PI4K2B: variants seen among roughly 807,000 people sequenced by gnomAD.
PI4K2B encodes the protein phosphatidylinositol 4-kinase type 2-beta.
In PI4K2B, 46 loss-of-function variants were observed where a neutral mutation model predicts 56.6. The observed-to-expected ratio is 0.81, with a 90% CI of 0.64 to 1.04. The LOEUF is 1.04. PI4K2B is among the 50% of genes least tolerant of loss of function. The pLI, the probability that PI4K2B is intolerant of heterozygous loss-of-function variation, is 0.00. For missense variants in PI4K2B, 556 were observed against 607.7 expected (o/e 0.91, Z 0.89); for synonymous variants, 211 against 223.8 (o/e 0.94, Z 0.51).
intron 1 of PI4K2B, among the ~76,000 whole-genome samples, chr4:25,238,877 T>G (rs1418058248): frequency 6.6e-6 from 1 of 152,118 alleles, no homozygotes. Flanking sequence ...CTGCTTTTAT[T>G]CCCTTATCTG....
At chr4:25,255,385 C>T (rs140584602) in intron 3 of PI4K2B, 120 bp downstream of exon 3, 1 of 782,296 alleles carries the variant, frequency 1.3e-6, no homozygotes, top group East Asian at 2.6e-5. Context: ...TGGTAGTAGT[C>T]CAAGAGTCAT....
In PI4K2B at chr4:25,268,582, T is replaced by C; in HGVS notation, c.1212+6T>C. On this transcript the variant is annotated splice_donor_region_variant and intron_variant, in intron 8 of 9. Coordinates refer to ENST00000264864, the MANE Select transcript of PI4K2B (RefSeq NM_018323.4). Reference sequence around the variant, plus strand: ...ATCTCTATGAACTTTTTAAGGTAAGTTAATGCTTAGTTTGATTATTGCAGA... The same window carrying C: ...ATCTCTATGAACTTTTTAAGGTAAGCTAATGCTTAGTTTGATTATTGCAGA... 1 of 1,544,672 alleles carries C rather than the reference T, an allele frequency of 6.5e-7. No individual in the cohort carries two copies. The highest frequency in any genetic ancestry group is 8.8e-7 in the Non-Finnish European group (1 of 1,137,476).
At chr4:25,276,698 C>A in intron 9 of PI4K2B, 1 of 984,788 alleles carries the variant, frequency 1.0e-6, no homozygotes, top group African/African-American at 1.7e-5. Flanking sequence ...TGTATGTAGA[C>A]CTCTTCACTT....
intron 1 of PI4K2B, among the ~76,000 whole-genome samples, chr4:25,238,700 G>T (rs940098085): frequency 6.6e-6 from 1 of 152,154 alleles, no homozygotes; most frequent in Non-Finnish European, 1.5e-5. Context: ...GGTCTCGCTG[G>T]CTTCAGGAGT....
intron 1 of PI4K2B, among the ~76,000 whole-genome samples, chr4:25,245,723 G>A (rs532755286): frequency 3.9e-4 from 60 of 152,286 alleles, no homozygotes; most frequent in African/African-American, 1.4e-3. Context: ...AAAGGGGTCC[G>A]ATGGCACTCA....
intron 6 of PI4K2B, 80 bp downstream of exon 6, chr4:25,260,671 C>T (rs2109018622): frequency 6.4e-6 from 2 of 314,674 alleles, no homozygotes; most frequent in African/African-American, 2.2e-5. Flanking sequence ...CACATACACA[C>T]ACACACGTGT....
intron 1 of PI4K2B, among the ~76,000 whole-genome samples, chr4:25,239,731 C>T (rs1023452064): frequency 7.9e-5 from 12 of 152,178 alleles, no homozygotes; most frequent in East Asian, 1.9e-4. Context: ...GAGTGGGCGC[C>T]GAGGCCGAGG....
At chr4:25,257,035 C>T (rs989044405) in intron 4 of PI4K2B, among the ~76,000 whole-genome samples, 4 of 148,948 alleles carry the variant, frequency 2.7e-5, no homozygotes, top group African/African-American at 7.4e-5. Context: ...GAACTTACCT[C>T]GGGTAAGTTC....
intron 1 of PI4K2B, among the ~76,000 whole-genome samples, chr4:25,249,038 C>T (rs1388501940): frequency 2.6e-5 from 4 of 152,144 alleles, no homozygotes; most frequent in African/African-American, 7.2e-5. Flanking sequence ...TGCCTTCAAG[C>T]ATCTGTTTAA....
chr4:25,265,025 A>G (rs1716612691), intron 7 of PI4K2B, among the ~76,000 whole-genome samples: 1 of 151,864 alleles, frequency 6.6e-6, no homozygotes, highest in Non-Finnish European at 1.5e-5. Flanking sequence ...GTGAAACTCC[A>G]TCTCTACTAA....
intron 9 of PI4K2B, among the ~76,000 whole-genome samples, chr4:25,275,455 G>A (rs1717060305): frequency 6.6e-6 from 1 of 152,122 alleles, no homozygotes. Flanking sequence ...CTCGAGCCTA[G>A]GAGTTCAAGA....
chr4:25,266,342 T>C (rs964816327), intron 7 of PI4K2B, among the ~76,000 whole-genome samples: 26 of 152,358 alleles, frequency 1.7e-4, no homozygotes, highest in African/African-American at 5.8e-4. Flanking sequence ...AATCTACTTT[T>C]ATTTTTAACT....
rs1039351379 is a variant in PI4K2B at position 25,235,571 on chromosome 4, G to T, written c.268+1140G>T. Among the ~76,000 whole-genome samples the T allele has an allele frequency of 2.6e-5, 4 of 152,310 alleles. 1 individual carries two copies. The East Asian group carries it at 7.7e-4, about 29-fold the overall frequency. ...ATTGTTTAAGCTTTAACCAACGTCT[G>T]CTCCCGTTATAATGTTACCTGATGG... On this transcript the variant is annotated intron_variant, in intron 1 of 9. Coordinates refer to ENST00000264864, the MANE Select transcript of PI4K2B (RefSeq NM_018323.4).
chr4:25,236,758 C>T (rs192181704), intron 1 of PI4K2B, among the ~76,000 whole-genome samples: 1 of 152,174 alleles, frequency 6.6e-6, no homozygotes, highest in Non-Finnish European at 1.5e-5. Context: ...GCCCCTTTTC[C>T]GTTTTGCCAT....
chr4:25,238,860 G>T (rs949639913), intron 1 of PI4K2B, among the ~76,000 whole-genome samples: 1 of 152,108 alleles, frequency 6.6e-6, no homozygotes, highest in Non-Finnish European at 1.5e-5. Flanking sequence ...CTGCTGGTTC[G>T]GGCAGCCTGC....
intron 2 of PI4K2B, chr4:25,254,324 A>T (rs894924267): frequency 1.1e-4 from 67 of 634,376 alleles, no homozygotes; most frequent in Non-Finnish European, 1.3e-4. Context: ...AACAGCAAAC[A>T]TGTAATGTGG....
intron 1 of PI4K2B, chr4:25,250,495 C>T (rs1716007593): frequency 6.6e-6 from 1 of 152,192 alleles, no homozygotes; most frequent in African/African-American, 2.4e-5. Flanking sequence ...CTAATGGGTA[C>T]TAGGTTTAAT....
At chr4:25,263,060 C>T (rs985443919) in intron 6 of PI4K2B, among the ~76,000 whole-genome samples, 2 of 152,154 alleles carry the variant, frequency 1.3e-5, no homozygotes, top group African/African-American at 2.4e-5. Context: ...AAATGCCAGA[C>T]GCTTGCAAAA....
intron 9 of PI4K2B, among the ~76,000 whole-genome samples, chr4:25,270,023 G>A (rs1445023242): frequency 6.6e-6 from 1 of 151,948 alleles, no homozygotes; most frequent in Non-Finnish European, 1.5e-5. Flanking sequence ...GCCTAACTTA[G>A]GTATTTTTGA....
Sources: gnomAD v4.1 joint callset for allele counts (sites outside exome capture counted in the v4.1 genomes callset) on GRCh38, gnomAD v4.1.1 for gene constraint, MANE v1.5 for transcripts, NCBI Gene and HGNC (gene_info 2026-07-23, HGNC 2026-07-21) for gene names.